The following SPATA6L variants were observed in gnomAD, a reference collection of about 807,000 sequenced individuals.
The protein encoded by SPATA6L is spermatogenesis associated 6 like.
SPATA6L carries 68 observed loss-of-function variants against 49.2 expected under a neutral mutation model. That is an observed-to-expected ratio of 1.38 (90% CI 1.14 to 1.69). The LOEUF is 1.69. SPATA6L is among the 40% of genes most tolerant of loss of function. SPATA6L has a pLI of 0.00. For synonymous variants in SPATA6L, 198 were observed against 165.7 expected (o/e 1.19, Z -1.50); for missense variants, 668 against 464.3 (o/e 1.44, Z -4.03).
chr9:4,657,102 G>C (rs1838453147), intron 2 of SPATA6L, among the ~76,000 whole-genome samples: 1 of 152,104 alleles, frequency 6.6e-6, no homozygotes, highest in Non-Finnish European at 1.5e-5. Flanking sequence ...TGAAATAAAG[G>C]TACACCCTGT....
chr9:4,633,199 G>T, intron 4 of SPATA6L: 1 of 155,674 alleles, frequency 6.4e-6, no homozygotes, highest in South Asian at 1.8e-4. Context: ...CGGTGGGAAA[G>T]ACAAACAAGT....
At chr9:4,618,573 A>G (rs2130360965) in intron 8 of SPATA6L, among the ~76,000 whole-genome samples, 1 of 152,330 alleles carries the variant, frequency 6.6e-6, no homozygotes, top group South Asian at 2.1e-4. Flanking sequence ...CTATGTATAA[A>G]ATTATTTGAT....
chr9:4,592,216 G>A (rs1821948656), intron 13 of SPATA6L, among the ~76,000 whole-genome samples: 1 of 151,572 alleles, frequency 6.6e-6, no homozygotes. Flanking sequence ...TCGGGAGGCT[G>A]AGGCAGGAGA....
chr9:4,615,476 C>T (rs372825206), intron 9 of SPATA6L, among the ~76,000 whole-genome samples: 14 of 152,114 alleles, frequency 9.2e-5, no homozygotes, highest in East Asian at 1.9e-4. Flanking sequence ...GCAATTCTTC[C>T]GTTGGCCAGA....
Position 4,662,285 on chromosome 9 carries a change from C to G in SPATA6L, c.40-249G>C, listed in dbSNP as rs1367789821. On this transcript the variant is annotated intron_variant, in intron 1 of 11. Transcript: ENST00000682582. This position sits in a 1 kb window ranked among gnomAD's most constrained non-coding sequence, Gnocchi z 4.9. ...TCGCCGGCTCCTCTCCCCGCCCCTC[C>G]GGGATGGTAGTGCGGAAGCGGAAGA... The G allele has an allele frequency of 2.0e-5, 28 of 1,434,650 alleles. No individual in the cohort carries two copies. Among genetic ancestry groups the G allele is most frequent in the Middle Eastern group, 5.2e-4 (2 of 3,882 alleles). 88.9% of individuals were successfully genotyped at this position (1,434,650 alleles called of 1,614,324 possible). A position where few individuals can be genotyped will look rare whatever the true frequency, so the allele number is the denominator to read the frequency against.
intron 7 of SPATA6L, among the ~76,000 whole-genome samples, chr9:4,621,491 CT>C (rs111875141): frequency 0.13 from 19,323 of 145,308 alleles, 2,522 homozygotes; most frequent in African/African-American, 0.34. Flanking sequence ...GTGTGCTATT[CT>C]TTTTTTTTTT....
chr9:4,609,597 A>G (rs28767582), intron 9 of SPATA6L, among the ~76,000 whole-genome samples: 5,141 of 150,526 alleles, frequency 0.034, 297 homozygotes, highest in African/African-American at 0.12. Context: ...ATTCAACAAC[A>G]CTTCATGCTA....
intron 3 of SPATA6L, among the ~76,000 whole-genome samples, chr9:4,655,621 T>A (rs987395645): frequency 1.3e-5 from 2 of 152,004 alleles, no homozygotes; most frequent in Admixed American, 1.3e-4. Flanking sequence ...CGATTTCGGC[T>A]CACTGTAACC....
rs534699811 is a variant in SPATA6L, at chr9:4,589,851, C to A, written c.*255-890G>T. Among the ~76,000 whole-genome samples the A allele has an allele frequency of 1.8e-3, 281 of 152,248 alleles. 1 individual carries two copies. The highest frequency in any genetic ancestry group is 3.3e-3 in the Non-Finnish European group (226 of 68,024). On this transcript the variant is annotated intron_variant and NMD_transcript_variant, in intron 13 of 13. Transcript: ENST00000461761. ...GGGAGGAAGTGTACCTCTCTGCAATCCTAGACTTTTAAAGTGAAAGCCAGA... is the reference window on the plus strand; with the variant it reads ...GGGAGGAAGTGTACCTCTCTGCAATACTAGACTTTTAAAGTGAAAGCCAGA...
intron 3 of SPATA6L, among the ~76,000 whole-genome samples, chr9:4,641,990 ACTC>A (rs1160951165): frequency 1.3e-5 from 2 of 151,742 alleles, no homozygotes; most frequent in Non-Finnish European, 2.9e-5. Context: ...CTGTACCTGA[ACTC>A]CTGTGCTCAA....
chr9:4,654,379 C>T (rs545568107), intron 3 of SPATA6L, among the ~76,000 whole-genome samples: 1 of 152,120 alleles, frequency 6.6e-6, no homozygotes. Context: ...AGCAGACAGA[C>T]GGGGGCAGGC....
chr9:4,657,032 G>A (rs924813599), intron 2 of SPATA6L, among the ~76,000 whole-genome samples: 5 of 152,180 alleles, frequency 3.3e-5, no homozygotes, highest in Non-Finnish European at 7.3e-5. Flanking sequence ...TGTAATATCT[G>A]TCTAGCCATT....
intron 3 of SPATA6L, among the ~76,000 whole-genome samples, chr9:4,643,942 T>C (rs1372119932): frequency 1.3e-5 from 2 of 150,874 alleles, no homozygotes; most frequent in African/African-American, 4.9e-5. Flanking sequence ...GGGAGGTGGA[T>C]GTTACAGTGA....
At chr9:4,661,576 C>G (rs1839760363) in intron 2 of SPATA6L, among the ~76,000 whole-genome samples, 1 of 151,964 alleles carries the variant, frequency 6.6e-6, no homozygotes. Flanking sequence ...TTAATAATCC[C>G]TTTCGTAAAT....
At chr9:4,648,276 G>C (rs1347228239) in intron 3 of SPATA6L, among the ~76,000 whole-genome samples, 2 of 152,204 alleles carry the variant, frequency 1.3e-5, no homozygotes, top group South Asian at 2.1e-4. Flanking sequence ...TTCAAAATGA[G>C]AGGAGGGAAT....
chr9:4,650,574 C>T lies in SPATA6L; in HGVS notation c.226+5467G>A, dbSNP rs550812852. 1.9e-4 allele frequency among the ~76,000 whole-genome samples: 29 copies of T among 152,208 alleles called. 1 individual carries two copies. In the East Asian group the frequency reaches 1.9e-3, roughly 10 times the overall value. ...TAAAACTGACAAACCTTTAGCTACA[C>T]TAACCAAGAAAAAAGAGAAAAGACT... On this transcript the variant is annotated intron_variant, in intron 3 of 11. Transcript: ENST00000682582.
intron 9 of SPATA6L, among the ~76,000 whole-genome samples, chr9:4,611,677 G>T (rs1199756092): frequency 8.7e-5 from 13 of 149,766 alleles, no homozygotes; most frequent in South Asian, 4.3e-4. Flanking sequence ...AGGGATAGCA[G>T]TGGGAGATAC....
downstream of SPATA6L, among the ~76,000 whole-genome samples, chr9:4,594,606 C>T (rs1822122796): frequency 6.6e-6 from 1 of 152,140 alleles, no homozygotes; most frequent in South Asian, 2.1e-4. Context: ...TTTGAGGTTG[C>T]AAGGCAGGTC....
At chr9:4,647,803 C>T (rs1835749555) in intron 3 of SPATA6L, among the ~76,000 whole-genome samples, 1 of 149,726 alleles carries the variant, frequency 6.7e-6, no homozygotes, top group Non-Finnish European at 1.5e-5. Flanking sequence ...AGATAATTCT[C>T]ACAAAATAAC....
Sources: gnomAD v4.1 joint callset for allele counts (sites outside exome capture counted in the v4.1 genomes callset) on GRCh38, gnomAD v4.1.1 for gene constraint, Gnocchi (gnomAD v3.1) non-coding constraint, MANE v1.5 for transcripts, NCBI Gene and HGNC (gene_info 2026-07-23, HGNC 2026-07-21) for gene names.